MPP7: variants seen among roughly 807,000 people sequenced by gnomAD.
The protein encoded by MPP7 is MAGUK p55 subfamily member 7.
MPP7 carries 60 observed loss-of-function variants against 76.5 expected under a neutral mutation model. The observed-to-expected ratio is 0.78, with a 90% CI of 0.64 to 0.97. The LOEUF is 0.97. MPP7 is among the 50% of genes least tolerant of loss of function. The pLI, the probability that MPP7 is intolerant of heterozygous loss-of-function variation, is 0.00. For missense variants in MPP7, 641 were observed against 694.0 expected, an observed-to-expected ratio of 0.92 and a Z score of 0.86; for synonymous variants, 237 against 244.5, an observed-to-expected ratio of 0.97 and a Z score of 0.29.
At chr10:28,175,670 T>A (rs1471849519) in intron 3 of MPP7, among the ~76,000 whole-genome samples, 1 of 152,192 alleles carries the variant, frequency 6.6e-6, no homozygotes, top group South Asian at 2.1e-4. Context: ...TGAAGAAGTA[T>A]GATACTTAAG....
In MPP7 at chr10:28,080,161, A is replaced by C. The variant is rs1588736359; in HGVS notation, c.1123+9510T>G. 1.3e-5 allele frequency among the ~76,000 whole-genome samples: 2 copies of C among 152,180 alleles called. 1 individual carries two copies. Among genetic ancestry groups the C allele is most frequent in the East Asian group, 3.9e-4 (2 of 5,174 alleles). The stretch of plus-strand genomic sequence containing the variant: ...AAGAAAAGAAGGAAGGAAGGAAAAC[A>C]AAAGAAAAGTAAAAAGTGGGAAGCT... On this transcript the variant is annotated intron_variant, in intron 12 of 16. Coordinates refer to ENST00000683449, the MANE Select transcript of MPP7 (RefSeq NM_001318170.2).
chr10:28,308,637 G>C (rs1387473878), intron 2 of MPP7, among the ~76,000 whole-genome samples: 1 of 151,928 alleles, frequency 6.6e-6, no homozygotes, highest in African/African-American at 2.4e-5. Flanking sequence ...AATTATCTTG[G>C]TGTGGTAGTG....
chr10:28,059,837 T>C, intron 13 of MPP7, 94 bp from the exon 14 acceptor site: 1 of 818,258 alleles, frequency 1.2e-6, no homozygotes, highest in South Asian at 1.6e-5. Flanking sequence ...ATTAGTTTTT[T>C]CAACAGGATT....
intron 11 of MPP7, among the ~76,000 whole-genome samples, chr10:28,094,644 G>A (rs1853477642): frequency 1.3e-5 from 2 of 152,104 alleles, no homozygotes; most frequent in South Asian, 2.1e-4. Flanking sequence ...AAAAAAAAGC[G>A]GGGTGAGGAG....
chr10:28,257,595 T>G (rs1480395993), intron 1 of MPP7, among the ~76,000 whole-genome samples: 3 of 58,452 alleles, frequency 5.1e-5, no homozygotes, highest in African/African-American at 6.9e-5. Context: ...GGGACTGTGG[T>G]GGGGTGGGGG....
At chr10:28,318,182 C>T (rs566402949) in intron 2 of MPP7, among the ~76,000 whole-genome samples, 1 of 152,172 alleles carries the variant, frequency 6.6e-6, no homozygotes, top group South Asian at 2.1e-4. Context: ...ATAAAGAATC[C>T]CACTCTTGGA....
At chr10:28,142,802 G>C (rs1835565239) in intron 5 of MPP7, among the ~76,000 whole-genome samples, 1 of 152,156 alleles carries the variant, frequency 6.6e-6, no homozygotes, top group Non-Finnish European at 1.5e-5. Flanking sequence ...ACAGCATAGG[G>C]AAACAGGCCT....
At chr10:28,229,852 G>A (rs1838820118) in intron 2 of MPP7, among the ~76,000 whole-genome samples, 1 of 151,130 alleles carries the variant, frequency 6.6e-6, no homozygotes, top group Non-Finnish European at 1.5e-5. Context: ...TCACGCCACT[G>A]CACTCCAGCC....
At chr10:28,147,786 G>A (rs1336225265) in intron 4 of MPP7, among the ~76,000 whole-genome samples, 2 of 152,144 alleles carry the variant, frequency 1.3e-5, no homozygotes, top group Non-Finnish European at 2.9e-5. Context: ...TCAAGTAATC[G>A]TATCAGCCAG....
chr10:28,112,744 T>A (rs1834543094), intron 11 of MPP7, among the ~76,000 whole-genome samples: 1 of 152,200 alleles, frequency 6.6e-6, no homozygotes, highest in Non-Finnish European at 1.5e-5. Flanking sequence ...TGATTATTAC[T>A]ATGTGGAAGG....
chr10:28,208,209 C>T (rs10508736), intron 2 of MPP7, among the ~76,000 whole-genome samples: 1 of 152,092 alleles, frequency 6.6e-6, no homozygotes, highest in South Asian at 2.1e-4. Flanking sequence ...GCCAAAGATT[C>T]TCCATTATCA....
rs572306324 is a variant in MPP7, at chr10:28,082,156, G to A, written c.1123+7515C>T. 1.9e-3 allele frequency among the ~76,000 whole-genome samples: 284 copies of A among 152,154 alleles called. 1 individual carries two copies. Among genetic ancestry groups the A allele is most frequent in the Non-Finnish European group, 3.7e-3 (252 of 68,006 alleles). ...GGAAATAAATTCCTATGTATACAACGTTTCTATAATCATAAACTAAACAGT... is the reference window on the plus strand; with the variant it reads ...GGAAATAAATTCCTATGTATACAACATTTCTATAATCATAAACTAAACAGT... On this transcript the variant is annotated intron_variant, in intron 12 of 16. Coordinates refer to ENST00000683449, the MANE Select transcript of MPP7 (RefSeq NM_001318170.2).
intron 2 of MPP7, among the ~76,000 whole-genome samples, chr10:28,206,612 A>T (rs572703205): frequency 5.4e-4 from 82 of 152,140 alleles, no homozygotes; most frequent in Non-Finnish European, 1.0e-3. Context: ...AAATTGTTTT[A>T]TTTAAATTAT....
In MPP7 at chr10:28,057,895, T is replaced by C. The variant is rs373546448; in HGVS notation, c.1407+600A>G. On this transcript the variant is annotated intron_variant, in intron 15 of 16. Coordinates refer to ENST00000683449, the MANE Select transcript of MPP7 (RefSeq NM_001318170.2). Reference sequence around the variant, plus strand: ...TGTGGGCTGGGGATCTGCTGGAAGATGTATGGTTTGATAGGGAATTGAATG... The same window carrying C: ...TGTGGGCTGGGGATCTGCTGGAAGACGTATGGTTTGATAGGGAATTGAATG... 5 of 1,194,602 alleles carry C rather than the reference T, an allele frequency of 4.2e-6. No individual in the cohort carries two copies. The African/African-American group carries it at 8.2e-5, about 20-fold the overall frequency. 74.0% of individuals were successfully genotyped at this position (1,194,602 alleles called of 1,614,324 possible).
chr10:28,125,114 C>A (rs566948160), intron 6 of MPP7, 23 bp from the exon 7 acceptor site: 2 of 1,595,698 alleles, frequency 1.3e-6, no homozygotes, highest in South Asian at 2.2e-5. Context: ...AAACAAAAAG[C>A]ATTTGTGGGT....
chr10:28,297,990 T>C (rs976936132), intron 1 of MPP7, among the ~76,000 whole-genome samples: 2 of 152,222 alleles, frequency 1.3e-5, no homozygotes, highest in Non-Finnish European at 1.5e-5. Flanking sequence ...GATAATAAGA[T>C]TGCAGCAATT....
At chr10:28,238,526 A>T (rs1839154768) in intron 2 of MPP7, 42 bp downstream of exon 2, 1 of 1,605,500 alleles carries the variant, frequency 6.2e-7, no homozygotes, top group African/African-American at 1.3e-5. Flanking sequence ...ACAAGATTTA[A>T]GCAAAGATGG....
intron 1 of MPP7, among the ~76,000 whole-genome samples, chr10:28,284,162 G>A (rs765492291): frequency 7.9e-5 from 12 of 152,088 alleles, no homozygotes; most frequent in Non-Finnish European, 1.5e-4. Flanking sequence ...ATTAAGTAAA[G>A]TACTTTACTG....
At chr10:28,199,489 C>T (rs981361950) in intron 3 of MPP7, among the ~76,000 whole-genome samples, 12 of 152,156 alleles carry the variant, frequency 7.9e-5, no homozygotes, top group African/African-American at 2.9e-4. Context: ...TAGCCAGATA[C>T]CCCAAGGTGG....
Sources: gnomAD v4.1 joint callset for allele counts (sites outside exome capture counted in the v4.1 genomes callset) on GRCh38, gnomAD v4.1.1 for gene constraint, MANE v1.5 for transcripts, NCBI Gene and HGNC (gene_info 2026-07-23, HGNC 2026-07-21) for gene names.